CFAP141: variants seen among roughly 807,000 people sequenced by gnomAD.
CFAP141 encodes the protein cilia and flagella associated protein 141.
At chr1:154,200,680 T>TTTTTC in the CFAP141 span, 2 of 1,386,350 alleles carry the variant, frequency 1.4e-6, no homozygotes, top group Non-Finnish European at 9.9e-7. Flanking sequence ...TTCTTTTTTC[T>TTTTTC]TTTTCTTTTC....
chr1:154,203,494 T>C, the CFAP141 span, among the ~76,000 whole-genome samples: 1 of 151,590 alleles, frequency 6.6e-6, no homozygotes, highest in Non-Finnish European at 1.5e-5. Context: ...CAGTGTGTGA[T>C]TATGGATCAC....
At chr1:154,206,082 A>AACACGCAGGGG in the CFAP141 span, among the ~76,000 whole-genome samples, 5 of 152,160 alleles carry the variant, frequency 3.3e-5, no homozygotes, top group Admixed American at 1.3e-4. Flanking sequence ...GATCAAAGAA[A>AACACGCAGGGG]ACACGCAGGG....
At chr1:154,206,295 T>G in the CFAP141 span, 1 of 1,614,138 alleles carries the variant, frequency 6.2e-7, no homozygotes, top group Non-Finnish European at 8.5e-7. Context: ...TTTGTCATCT[T>G]TTCCACAGAC....
chr1:154,202,328 A>G, the CFAP141 span, among the ~76,000 whole-genome samples: 1 of 152,078 alleles, frequency 6.6e-6, no homozygotes, highest in African/African-American at 2.4e-5. Context: ...AGCCTGCCTC[A>G]GCCTCCCAAA....
the CFAP141 span, among the ~76,000 whole-genome samples, chr1:154,202,582 C>T: frequency 1.3e-5 from 2 of 151,288 alleles, no homozygotes; most frequent in African/African-American, 2.4e-5. Context: ...GGGCAGATCA[C>T]GAGGTCAGGA....
the CFAP141 span, chr1:154,200,312 G>T: frequency 1.3e-6 from 1 of 772,494 alleles, no homozygotes. Context: ...AATGGAGTTA[G>T]AGTTGTGTTG....
At chr1:154,205,722 G>C in the CFAP141 span, 1 of 1,203,966 alleles carries the variant, frequency 8.3e-7, no homozygotes, top group Non-Finnish European at 1.2e-6. Flanking sequence ...TTTTTTTTTT[G>C]AGACAGAGTT....
chr1:154,200,614 T>C, the CFAP141 span: 1 of 1,613,152 alleles, frequency 6.2e-7, no homozygotes, highest in Non-Finnish European at 8.5e-7. Flanking sequence ...AGGTGGGGGT[T>C]GAATGGGTGG....
At chr1:154,202,798 C>T in the CFAP141 span, among the ~76,000 whole-genome samples, 1 of 148,046 alleles carries the variant, frequency 6.8e-6, no homozygotes, top group African/African-American at 2.5e-5. Flanking sequence ...AAGACTCCGT[C>T]CCAAGGAAAA....
the CFAP141 span, among the ~76,000 whole-genome samples, chr1:154,204,871 G>GA: frequency 4.5e-5 from 6 of 133,894 alleles, no homozygotes; most frequent in Middle Eastern, 0.02. Context: ...TTGCATCAGT[G>GA]TTTTTTTTTT....
chr1:154,205,515 CA>C, the CFAP141 span: 1 of 1,244,216 alleles, frequency 8.0e-7, no homozygotes, highest in South Asian at 1.2e-5. Context: ...AGAGATGCAG[CA>C]GAGTTGGGAG....
chr1:154,204,091 C>CAATAAATA, the CFAP141 span, among the ~76,000 whole-genome samples: 10,033 of 151,424 alleles, frequency 0.066, 441 homozygotes, highest in Middle Eastern at 0.15. Flanking sequence ...AACTCCATCT[C>CAATAAATA]AATAAATAAA....
At chr1:154,201,678 G>A in the CFAP141 span, among the ~76,000 whole-genome samples, 1 of 151,416 alleles carries the variant, frequency 6.6e-6, no homozygotes, top group Non-Finnish European at 1.5e-5. Context: ...ATGAGCCACC[G>A]CGCCTGGCCC....
At chr1:154,202,526 C>T in the CFAP141 span, among the ~76,000 whole-genome samples, 6 of 152,182 alleles carry the variant, frequency 3.9e-5, no homozygotes, top group South Asian at 2.1e-4. Flanking sequence ...TGAGGCCGGC[C>T]GCGGTGACTC....
the CFAP141 span, chr1:154,205,593 ATTACC>A: frequency 6.2e-7 from 1 of 1,613,756 alleles, no homozygotes. Flanking sequence ...ATAGAAGCAG[ATTACC>A]TGTCGACCGT....
chr1:154,203,468 T>C, the CFAP141 span, among the ~76,000 whole-genome samples: 1 of 151,590 alleles, frequency 6.6e-6, no homozygotes, highest in Non-Finnish European at 1.5e-5. Context: ...CTCATTCTGT[T>C]GCCTAGGCTG....
At chr1:154,199,402 T>C in the CFAP141 span, 8 of 1,502,286 alleles carry the variant, frequency 5.3e-6, no homozygotes, top group African/African-American at 6.9e-5. Context: ...ATGTTGAGAA[T>C]GGAAGAGCAG....
the CFAP141 span, chr1:154,200,627 T>G: frequency 6.2e-7 from 1 of 1,611,532 alleles, no homozygotes; most frequent in Non-Finnish European, 8.5e-7. Flanking sequence ...ATGGGTGGGT[T>G]AGAGTTAGGA....
At chr1:154,200,710 T>C in the CFAP141 span, 1 of 1,126,410 alleles carries the variant, frequency 8.9e-7, no homozygotes, top group Non-Finnish European at 1.3e-6. Flanking sequence ...GAGACAGAGT[T>C]TCACTCTTGT....
Sources: gnomAD v4.1 joint callset for allele counts (sites outside exome capture counted in the v4.1 genomes callset) on GRCh38, gnomAD v4.1.1 for gene constraint, MANE v1.5 for transcripts, NCBI Gene and HGNC (gene_info 2026-07-23, HGNC 2026-07-21) for gene names.